Variants in TRIQK observed in about 807,000 individuals in gnomAD.
TRIQK encodes triple QxxK/R motif-containing protein.
In TRIQK, 10 loss-of-function variants were observed where a neutral mutation model predicts 10.8. The ratio of observed to expected loss-of-function variants is 0.92; its 90% confidence interval spans 0.57 to 1.57. TRIQK has a LOEUF of 1.57. Among genes scored for constraint, TRIQK ranks in the 40% most tolerant of loss-of-function variants. The probability of loss-of-function intolerance (pLI) is 0.00; values close to 1 mark genes in which losing one functional copy is unlikely to be tolerated. For synonymous variants in TRIQK, 33 were observed against 33.7 expected (o/e 0.98, Z 0.07); for missense variants, 107 against 97.7 (o/e 1.09, Z -0.40).
chr8:92,992,327 C>T (rs979093524), intron 1 of TRIQK, among the ~76,000 whole-genome samples: 2 of 152,178 alleles, frequency 1.3e-5, no homozygotes, highest in Non-Finnish European at 2.9e-5. Flanking sequence ...GCAAAACCCT[C>T]TGCCTCTGAG....
rs992446383 is a variant in TRIQK, at chr8:92,933,119, T to C, written c.-21-16109A>G. Reference sequence around the variant, plus strand: ...TCTAAGGAGAGAGAGCTAGGAAATATATGTATTGGTGTGAGCTCAGTACTT... The same window carrying C: ...TCTAAGGAGAGAGAGCTAGGAAATACATGTATTGGTGTGAGCTCAGTACTT... On this transcript the variant is annotated intron_variant, in intron 2 of 4. Transcript: ENST00000521988. 5.3e-5 allele frequency among the ~76,000 whole-genome samples: 8 copies of C among 152,090 alleles called. No individual in the cohort carries two copies. The East Asian group carries it at 1.2e-3, about 22-fold the overall frequency.
intron 3 of TRIQK, among the ~76,000 whole-genome samples, chr8:92,898,537 G>A (rs995850793): frequency 6.6e-6 from 1 of 151,890 alleles, no homozygotes; most frequent in African/African-American, 2.4e-5. Flanking sequence ...GTTCTCACTG[G>A]CTTTATATAA....
chr8:92,922,107 T>C (rs942384991), intron 2 of TRIQK: 4 of 151,800 alleles, frequency 2.6e-5, no homozygotes, highest in Non-Finnish European at 4.4e-5. Context: ...TAATAAACCA[T>C]GTAGTTATTA....
At chr8:92,910,648 A>T (rs1051406972) in intron 3 of TRIQK, among the ~76,000 whole-genome samples, 3 of 151,086 alleles carry the variant, frequency 2.0e-5, no homozygotes, top group Admixed American at 1.3e-4. Context: ...ATACAAGAGT[A>T]CTTAACAAAA....
At chr8:92,906,876 G>A (rs1245501791) in intron 3 of TRIQK, among the ~76,000 whole-genome samples, 1 of 151,568 alleles carries the variant, frequency 6.6e-6, no homozygotes, top group Non-Finnish European at 1.5e-5. Context: ...CTGGGAGACA[G>A]AGCGAGACTC....
rs1419265586 is a variant in TRIQK at position 92,934,355 on chromosome 8, T to C, written c.-21-17345A>G. Among the ~76,000 whole-genome samples, 146 of 151,952 alleles carry C rather than the reference T, an allele frequency of 9.6e-4. 1 individual carries two copies. Among genetic ancestry groups the C allele is most frequent in the Non-Finnish European group, 2.9e-5 (2 of 67,850 alleles). On this transcript the variant is annotated intron_variant, in intron 2 of 4. Coordinates refer to ENST00000521988, the MANE Select transcript of TRIQK (RefSeq NM_001171797.2). ...ATCAGGCTAAGGGTAATTATTTTCA[T>C]GCCGAGAAACACATCCTTAAATATT...
upstream of TRIQK, among the ~76,000 whole-genome samples, chr8:92,968,260 A>G (rs1339462267): frequency 2.6e-5 from 4 of 152,164 alleles, no homozygotes; most frequent in African/African-American, 9.7e-5. Flanking sequence ...TGCAATAAAC[A>G]TACGTTGGCA....
Position 92,993,775 on chromosome 8 carries a change from T to C in TRIQK, c.-181+23834A>G, listed in dbSNP as rs534711463. ...GATCAGTCTGGGAGATCGAGAATGA[T>C]GTCTACCTTTAGTTCTTTATGACTA... On this transcript the variant is annotated intron_variant, in intron 1 of 4. Coordinates refer to the TRIQK transcript ENST00000520686. Among the ~76,000 whole-genome samples the C allele has an allele frequency of 3.7e-4, 57 of 152,350 alleles. 2 individuals are homozygous for C. In the South Asian group the frequency reaches 5.6e-3, roughly 15 times the overall value.
At chr8:92,961,316 G>A (rs972876328) in intron 1 of TRIQK, among the ~76,000 whole-genome samples, 7 of 152,054 alleles carry the variant, frequency 4.6e-5, no homozygotes, top group African/African-American at 1.7e-4. Flanking sequence ...CCCTAGGAAT[G>A]CAGACAAAGC....
chr8:92,989,174 C>G (rs890842001), intron 1 of TRIQK, among the ~76,000 whole-genome samples: 34 of 152,310 alleles, frequency 2.2e-4, no homozygotes, highest in African/African-American at 8.2e-4. Flanking sequence ...CTTAGAACCA[C>G]AGCTCATTCC....
intron 2 of TRIQK, among the ~76,000 whole-genome samples, chr8:92,938,581 C>T (rs1811114023): frequency 6.6e-6 from 1 of 152,162 alleles, no homozygotes; most frequent in South Asian, 2.1e-4. Flanking sequence ...TCTTGAAATA[C>T]TTTTTATTTC....
At chr8:92,892,292 G>C (rs1816807746) in intron 3 of TRIQK, among the ~76,000 whole-genome samples, 1 of 151,784 alleles carries the variant, frequency 6.6e-6, no homozygotes, top group African/African-American at 2.4e-5. Flanking sequence ...TCTTCAATTT[G>C]CTGTATAGTG....
intron 1 of TRIQK, among the ~76,000 whole-genome samples, chr8:92,976,811 T>C (rs1458809864): frequency 6.6e-6 from 1 of 152,030 alleles, no homozygotes; most frequent in Non-Finnish European, 1.5e-5. Context: ...ATGGTTTTTT[T>C]GTGGCTTATA....
chr8:92,945,005 T>G (rs35920159), intron 2 of TRIQK, among the ~76,000 whole-genome samples: 53 of 152,150 alleles, frequency 3.5e-4, no homozygotes, highest in Non-Finnish European at 6.8e-4. Context: ...TAAAACAAAG[T>G]TAATAAAAAA....
At chr8:92,940,614 C>T (rs1026836921) in intron 2 of TRIQK, among the ~76,000 whole-genome samples, 1 of 152,018 alleles carries the variant, frequency 6.6e-6, no homozygotes, top group Non-Finnish European at 1.5e-5. Flanking sequence ...CATTGGAGCA[C>T]CCAAATAAAT....
chr8:92,942,069 A>G (rs1246798826), intron 2 of TRIQK, among the ~76,000 whole-genome samples: 1 of 152,012 alleles, frequency 6.6e-6, no homozygotes, highest in African/African-American at 2.4e-5. Flanking sequence ...TTCCAAACTC[A>G]TTCTATGAGG....
intron 3 of TRIQK, among the ~76,000 whole-genome samples, chr8:92,914,021 T>C (rs1375215951): frequency 6.6e-6 from 1 of 152,096 alleles, no homozygotes; most frequent in Non-Finnish European, 1.5e-5. Context: ...CTAATATAGA[T>C]GACGGGTTGA....
intron 3 of TRIQK, among the ~76,000 whole-genome samples, chr8:92,913,178 G>C (rs187623333): frequency 2.4e-4 from 36 of 152,150 alleles, no homozygotes; most frequent in Admixed American, 2.2e-3. Context: ...ATATGATAAA[G>C]TACATTAACA....
intron 1 of TRIQK, among the ~76,000 whole-genome samples, chr8:92,958,581 A>C (rs954007768): frequency 6.6e-6 from 1 of 152,030 alleles, no homozygotes; most frequent in Non-Finnish European, 1.5e-5. Context: ...GATGGAAAAG[A>C]GAAGATGTGG....
Sources: allele counts gnomAD v4.1 joint callset (sites outside exome capture counted in the v4.1 genomes callset), GRCh38; gene constraint gnomAD v4.1.1; transcripts MANE v1.5; gene names NCBI Gene and HGNC (gene_info 2026-07-23, HGNC 2026-07-21).